The following SLC34A1 variants were observed in gnomAD, a reference collection of about 807,000 sequenced individuals.
The protein encoded by SLC34A1 is sodium-dependent phosphate transport protein 2A.
SLC34A1 carries 57 observed loss-of-function variants against 51.4 expected under a neutral mutation model. That is an observed-to-expected ratio of 1.11 (90% CI 0.90 to 1.38). The LOEUF is 1.38. Among genes scored for constraint, SLC34A1 ranks in the 40% most tolerant of loss-of-function variants. The pLI is 0.00. For missense variants in SLC34A1, 796 were observed against 835.6 expected, an observed-to-expected ratio of 0.95 and a Z score of 0.58; for synonymous variants, 368 against 358.0, an observed-to-expected ratio of 1.03 and a Z score of -0.32.
chr5:177,397,231 T>C, intron 12 of SLC34A1, 157 bp downstream of exon 12: 1 of 863,698 alleles, frequency 1.2e-6, no homozygotes, highest in South Asian at 1.7e-5. Context: ...GTAGACCCAA[T>C]ACCACCCTCG....
chr5:177,388,891 G>A lies in SLC34A1; in HGVS notation c.936+519G>A, dbSNP rs934388687. Among the ~76,000 whole-genome samples the A allele has an allele frequency of 6.6e-6, 1 of 152,188 alleles. No individual in the cohort carries two copies. ...CATGTCAGGGCCTGAGCACCCTAGA[G>A]GGGTTAGTGACTCAGCTGGGCCATG... On this transcript the variant is annotated intron_variant, in intron 8 of 12. Transcript: ENST00000324417. The surrounding 1 kb of genome is among the most constrained non-coding windows in gnomAD (Gnocchi z 4.3).
At position 177,385,870 on chromosome 5, in the gene SLC34A1, C is replaced by A. The variant is rs773773153; in HGVS notation, c.109+20C>A. On this transcript the variant is annotated intron_variant, in intron 2 of 12. Coordinates refer to ENST00000324417, the MANE Select transcript of SLC34A1 (RefSeq NM_003052.5). ...CTCAGGGTAAGTGCTGCTCCCACAC[C>A]CTGGACCCTGGTTGCCCACGGTTGC... is the stretch of plus-strand genomic sequence containing the variant. The A allele has an allele frequency of 8.7e-6, 14 of 1,612,120 alleles. No homozygotes were observed. Among genetic ancestry groups the A allele is most frequent in the Non-Finnish European group, 1.2e-5 (14 of 1,178,822 alleles).
In SLC34A1 at chr5:177,398,245, C is replaced by A; in HGVS notation, c.1879C>A (p.Arg627Ser). ...EELPPATPSP[R>S]LALPAHHNAT... Reference sequence around the variant, plus strand: ...GCTACCCCCTGCCACACCCTCCCCCCGTCTTGCACTGCCTGCTCACCACAA... The same window carrying A: ...GCTACCCCCTGCCACACCCTCCCCCAGTCTTGCACTGCCTGCTCACCACAA... Residue 627 changes from arginine (R) to serine (S), a missense_variant, in exon 13 of 13, where the codon CGT becomes AGT. Arg to Ser is a moderately radical substitution (Grantham distance 110). Transcript: ENST00000324417. This position sits in a 1 kb window ranked among gnomAD's most constrained non-coding sequence, Gnocchi z 4.7. 2 of 1,600,006 alleles carry A rather than the reference C, an allele frequency of 1.3e-6. No homozygotes were observed. Among genetic ancestry groups the A allele is most frequent in the Non-Finnish European group, 1.7e-6 (2 of 1,179,914 alleles).
At chr5:177,390,192 A>T in intron 8 of SLC34A1, 2 of 1,000,958 alleles carry the variant, frequency 2.0e-6, no homozygotes, top group South Asian at 8.4e-5. Flanking sequence ...GTCTCCAGGG[A>T]AGCTATGCAC....
At chr5:177,395,455 G>C (rs1581647167) in intron 10 of SLC34A1, among the ~76,000 whole-genome samples, 1 of 152,086 alleles carries the variant, frequency 6.6e-6, no homozygotes, top group African/African-American at 2.4e-5. Context: ...GGCACAGAAG[G>C]GTGGCCAGTA....
Position 177,396,999 on chromosome 5 carries a change from C to T in SLC34A1, c.1341C>T (p.Ser447=), listed in dbSNP as rs1339212638. 3 of 1,614,052 alleles carry T rather than the reference C, an allele frequency of 1.9e-6. No individual in the cohort carries two copies. Among genetic ancestry groups the T allele is most frequent in the African/African-American group, 2.7e-5 (2 of 74,936 alleles). The part of the protein sequence containing the change: ...IERAYPLTLG[S]NIGTTTTAIL... ...GGGCCTACCCGCTCACACTGGGTTC[C>T]AACATCGGCACCACCACCACGGCCA... Residue 447 remains serine (S), a synonymous_variant, in exon 12 of 13, where the codon TCC becomes TCT. Transcript: ENST00000324417. The surrounding 1 kb of genome is among the most constrained non-coding windows in gnomAD (Gnocchi z 4.0).
chr5:177,397,411 T>C, intron 12 of SLC34A1: 1 of 484,246 alleles, frequency 2.1e-6, no homozygotes, highest in Non-Finnish European at 3.8e-6. Flanking sequence ...CAAAGGGGAA[T>C]TATTCTAGGA....
chr5:177,385,881 GT>G (rs1220426591), intron 2 of SLC34A1, 31 bp downstream of exon 2: 8 of 1,609,398 alleles, frequency 5.0e-6, no homozygotes, highest in Non-Finnish European at 5.9e-6. Context: ...CTGGACCCTG[GT>G]TGCCCACGGT....
chr5:177,386,573 T>G lies in SLC34A1; in HGVS notation c.532+7T>G. 1 of 1,613,812 alleles carries G rather than the reference T, an allele frequency of 6.2e-7. No homozygotes were observed. Among genetic ancestry groups the G allele is most frequent in the Non-Finnish European group, 8.5e-7 (1 of 1,179,962 alleles). ...AGCATGGTCTCCTCTGGCTGTGAGT[T>G]GGCCCACCAGGGTGGGGAAGAGCTT... is the stretch of plus-strand genomic sequence containing the variant. On this transcript the variant is annotated splice_region_variant and intron_variant, in intron 5 of 12. Transcript: ENST00000324417. This position sits in a 1 kb window ranked among gnomAD's most constrained non-coding sequence, Gnocchi z 4.8.
rs893882707 is a variant in SLC34A1, at chr5:177,393,741, T to C, written c.984T>C (p.Leu328=). The change falls in exon 9 of 13, where the codon CTT becomes CTC. Residue 328 remains leucine (L), a synonymous_variant. Coordinates refer to ENST00000324417, the MANE Select transcript of SLC34A1 (RefSeq NM_003052.5). ...CAGAGGCCAACTCCAGCCAGACCCT[T>C]GGAAATGCCACCATGGAGAAATGTA... The part of the protein sequence containing the change: ...SRAEANSSQT[L]GNATMEKCNH... 1.2e-5 allele frequency: 19 copies of C among 1,613,982 alleles called. No individual in the cohort carries two copies. Among genetic ancestry groups the C allele is most frequent in the Admixed American group, 5.0e-5 (3 of 60,006 alleles).
chr5:177,397,992 A>G lies in SLC34A1; in HGVS notation c.1626A>G (p.Val542=). The G allele has an allele frequency of 6.2e-7, 1 of 1,614,060 alleles. No homozygotes were observed. Among genetic ancestry groups the G allele is most frequent in the Non-Finnish European group, 8.5e-7 (1 of 1,180,002 alleles). The change falls in exon 13 of 13, where the codon GTA becomes GTG. Residue 542 remains valine, a synonymous_variant. Coordinates refer to ENST00000324417, the MANE Select transcript of SLC34A1 (RefSeq NM_003052.5). ...CCATGGCAGGCTGGCAGGTCATGGT[A>G]GGTGTGGGCACGCCCTTCGGGGCCC... ...GISMAGWQVM[V]GVGTPFGALL... is the part of the protein sequence containing the mutation.
chr5:177,385,891 G>A, intron 2 of SLC34A1, 41 bp downstream of exon 2: 1 of 1,611,242 alleles, frequency 6.2e-7, no homozygotes, highest in Non-Finnish European at 8.5e-7. Context: ...GTTGCCCACG[G>A]TTGCCCACAT....
At chr5:177,397,659 C>T in intron 12 of SLC34A1, 124 bp from the exon 13 acceptor site, 1 of 1,304,100 alleles carries the variant, frequency 7.7e-7, no homozygotes, top group Non-Finnish European at 1.1e-6. Context: ...GGGCACATCA[C>T]CCCTAAGTGG....
intron 8 of SLC34A1, among the ~76,000 whole-genome samples, chr5:177,392,357 G>A (rs1762835162): frequency 1.3e-5 from 2 of 152,186 alleles, no homozygotes; most frequent in Admixed American, 1.3e-4. Flanking sequence ...TAGCTACTCG[G>A]GAGGTGGAAG....
In SLC34A1 at chr5:177,396,941, T is replaced by A. The variant is rs1370124200; in HGVS notation, c.1292-9T>A. ...CTGGGGGTCCCACTTCCTCTCCCTC[T>A]GTCCCCAGGTCTTGGTGTGATCAGC... On this transcript the variant is annotated splice_polypyrimidine_tract_variant and intron_variant, in intron 11 of 12. Transcript: ENST00000324417. This position sits in a 1 kb window ranked among gnomAD's most constrained non-coding sequence, Gnocchi z 4.0. The A allele has an allele frequency of 6.2e-7, 1 of 1,614,036 alleles. No homozygotes were observed. The highest frequency in any genetic ancestry group is 8.5e-7 in the Non-Finnish European group (1 of 1,180,028).
intron 8 of SLC34A1, 133 bp from the exon 9 acceptor site, chr5:177,393,561 G>A (rs1762872545): frequency 3.7e-6 from 3 of 816,706 alleles, no homozygotes; most frequent in East Asian, 2.6e-5. Context: ...GCTCAGAGAG[G>A]GCAAGAGACC....
intron 8 of SLC34A1, among the ~76,000 whole-genome samples, chr5:177,389,022 C>A (rs186131223): frequency 6.6e-6 from 1 of 152,162 alleles, no homozygotes; most frequent in African/African-American, 2.4e-5. Context: ...ATGTTAACAG[C>A]CGCTTGTGCT....
intron 8 of SLC34A1, among the ~76,000 whole-genome samples, chr5:177,391,956 G>A (rs370773452): frequency 2.6e-5 from 4 of 152,112 alleles, no homozygotes; most frequent in African/African-American, 7.2e-5. Flanking sequence ...CCTTACCCTC[G>A]CAGCAGTTAC....
intron 10 of SLC34A1, among the ~76,000 whole-genome samples, chr5:177,395,235 A>T (rs909494226): frequency 6.6e-6 from 1 of 152,192 alleles, no homozygotes; most frequent in Non-Finnish European, 1.5e-5. Context: ...TAGGGGGATA[A>T]ATTCAGAGAG....
Sources: allele counts gnomAD v4.1 joint callset (sites outside exome capture counted in the v4.1 genomes callset), GRCh38; gene constraint gnomAD v4.1.1; non-coding constraint Gnocchi (gnomAD v3.1); transcripts MANE v1.5; gene names NCBI Gene and HGNC (gene_info 2026-07-23, HGNC 2026-07-21).